The following C12orf76 variants were observed in gnomAD, a reference collection of about 807,000 sequenced individuals.
C12orf76 encodes uncharacterized protein C12orf76.
C12orf76 carries 6 observed loss-of-function variants against 6.8 expected under a neutral mutation model. The ratio of observed to expected loss-of-function variants is 0.88; its 90% confidence interval spans 0.48 to 1.73. C12orf76 has a LOEUF of 1.73. Among genes scored for constraint, C12orf76 ranks in the 40% most tolerant of loss-of-function variants. C12orf76 has a pLI of 0.01. For synonymous variants in C12orf76, 56 were observed against 43.7 expected (o/e 1.28, Z -1.11); for missense variants, 99 against 98.2 (o/e 1.01, Z -0.03).
At chr12:110,045,063 TC>T (rs1487642316) in intron 1 of C12orf76, among the ~76,000 whole-genome samples, 21 of 152,170 alleles carry the variant, frequency 1.4e-4, no homozygotes, top group African/African-American at 5.1e-4. Context: ...AGACAGCATG[TC>T]ATAACTCCAA....
chr12:110,048,444 C>A lies in C12orf76; in HGVS notation c.52G>T (p.Val18Leu), dbSNP rs926325764. The change falls in exon 1 of 2, where the codon GTG becomes TTG. Residue 18 changes from valine (V) to leucine (L), a missense_variant. Coordinates refer to ENST00000615315, the MANE Select transcript of C12orf76 (RefSeq NM_001389625.1). ...WLYLGLCSLLVGEAEAPSPVD... is the reference protein window; with the variant it reads ...WLYLGLCSLLLGEAEAPSPVD... ...GGGCTCGGGGCCTCTGCCTCCCCCACCAGGAGGCTGCAGAGGCCAAGGTAC... is the reference window on the plus strand; with the variant it reads ...GGGCTCGGGGCCTCTGCCTCCCCCAACAGGAGGCTGCAGAGGCCAAGGTAC... 7 of 1,507,744 alleles carry A rather than the reference C, an allele frequency of 4.6e-6. No individual in the cohort carries two copies. The highest frequency in any genetic ancestry group is 6.2e-6 in the Non-Finnish European group (7 of 1,133,058). 93.4% of individuals were successfully genotyped at this position (1,507,744 alleles called of 1,614,324 possible).
chr12:110,069,942 C>G (rs958785833), upstream of C12orf76, among the ~76,000 whole-genome samples: 19 of 152,194 alleles, frequency 1.2e-4, no homozygotes, highest in African/African-American at 4.3e-4. Context: ...TTTATATATA[C>G]AATGATCTGC....
upstream of C12orf76, among the ~76,000 whole-genome samples, chr12:110,051,529 C>T (rs536446646): frequency 1.1e-4 from 16 of 151,976 alleles, no homozygotes; most frequent in African/African-American, 3.6e-4. Context: ...TAGGTTGAAG[C>T]GATTCTCCTG....
chr12:110,059,041 A>G lies in C12orf76; in HGVS notation n.503T>C, dbSNP rs999479210. Reference sequence around the variant, plus strand: ...TATGAATGAAGCGAGAAGCTTGTCCAAGGTCACATGGTAAACAGCAGCGCC... The same window carrying G: ...TATGAATGAAGCGAGAAGCTTGTCCGAGGTCACATGGTAAACAGCAGCGCC... On this transcript the variant is annotated non_coding_transcript_exon_variant, in exon 3 of 5. Coordinates refer to the C12orf76 transcript ENST00000309050. 3 of 1,551,588 alleles carry G rather than the reference A, an allele frequency of 1.9e-6. No individual in the cohort carries two copies. The African/African-American group carries it at 4.1e-5, about 21-fold the overall frequency.
intron 3 of C12orf76, chr12:110,058,928 TC>T (rs1268925728): frequency 1.4e-5 from 20 of 1,468,836 alleles, no homozygotes; most frequent in South Asian, 5.6e-5. Context: ...CAATTCTTAC[TC>T]CCCCCCACCA....
At chr12:110,064,633 G>A (rs1256759681) in intron 2 of C12orf76, among the ~76,000 whole-genome samples, 1 of 152,176 alleles carries the variant, frequency 6.6e-6, no homozygotes, top group Middle Eastern at 3.2e-3. Context: ...TGGGGGGACA[G>A]CTCTCCATGC....
chr12:110,068,315 A>AGAAGAAGAG (rs1892913853), upstream of C12orf76, among the ~76,000 whole-genome samples: 4 of 144,602 alleles, frequency 2.8e-5, no homozygotes, highest in African/African-American at 1.0e-4. Flanking sequence ...AAGAAGAAGA[A>AGAAGAAGAG]GAAGAAGAAG....
At chr12:110,043,615 A>C (rs1335971944) in intron 1 of C12orf76, among the ~76,000 whole-genome samples, 1 of 152,144 alleles carries the variant, frequency 6.6e-6, no homozygotes, top group Non-Finnish European at 1.5e-5. Context: ...GCACTTTGGG[A>C]GGCCGAGGCA....
intron 2 of C12orf76, among the ~76,000 whole-genome samples, chr12:110,061,053 G>A (rs1171649555): frequency 2.1e-5 from 3 of 144,466 alleles, no homozygotes; most frequent in Non-Finnish European, 4.5e-5. Flanking sequence ...TGCAGAGCCA[G>A]CTCTGTGGGG....
intron 1 of C12orf76, chr12:110,045,951 T>C: frequency 4.7e-6 from 1 of 212,970 alleles, no homozygotes; most frequent in Non-Finnish European, 1.0e-5. Flanking sequence ...AGAGTGAGAC[T>C]CCATATAAAA....
intron 2 of C12orf76, among the ~76,000 whole-genome samples, chr12:110,062,628 T>TTC (rs1892790053): frequency 6.6e-6 from 1 of 151,502 alleles, no homozygotes; most frequent in Non-Finnish European, 1.5e-5. Context: ...AAGAGATTTT[T>TTC]TTTTTTTTTG....
chr12:110,073,176 C>T (rs1305786392), intron 1 of C12orf76, among the ~76,000 whole-genome samples: 1 of 152,174 alleles, frequency 6.6e-6, no homozygotes, highest in Non-Finnish European at 1.5e-5. Context: ...GCCCTGCTCT[C>T]CCTGGCGGGC....
upstream of C12orf76, among the ~76,000 whole-genome samples, chr12:110,051,904 C>CTTTTTTTTTT (rs567991255): frequency 9.9e-6 from 1 of 100,664 alleles, no homozygotes; most frequent in African/African-American, 3.6e-5. Flanking sequence ...GGCAGCTACT[C>CTTTTTTTTTT]TTTTTTTTTT....
chr12:110,070,386 A>C (rs901250338), upstream of C12orf76, among the ~76,000 whole-genome samples: 3 of 152,172 alleles, frequency 2.0e-5, no homozygotes, highest in Non-Finnish European at 4.4e-5. Context: ...CAACATAAGG[A>C]AAGCCCTGTC....
At chr12:110,071,666 T>C (rs1892960938), upstream of C12orf76, among the ~76,000 whole-genome samples, 1 of 151,864 alleles carries the variant, frequency 6.6e-6, no homozygotes, top group Admixed American at 6.6e-5. Flanking sequence ...GTATAGGTTG[T>C]CATCATCATC....
upstream of C12orf76, among the ~76,000 whole-genome samples, chr12:110,052,980 A>G (rs1472603961): frequency 3.3e-5 from 5 of 152,032 alleles, no homozygotes; most frequent in Non-Finnish European, 5.9e-5. Flanking sequence ...AGGTGGGCGG[A>G]TCACAAGGTC....
chr12:110,061,043 T>C (rs1278238872), intron 2 of C12orf76, among the ~76,000 whole-genome samples: 1 of 141,472 alleles, frequency 7.1e-6, no homozygotes, highest in East Asian at 2.0e-4. Context: ...GAGTAATTCA[T>C]GCAGAGCCAG....
chr12:110,064,391 C>T lies in C12orf76; in HGVS notation n.380+1469G>A, dbSNP rs559808530. On this transcript the variant is annotated intron_variant and non_coding_transcript_variant, in intron 2 of 4. Transcript: ENST00000309050. The stretch of plus-strand genomic sequence containing the variant: ...ACAGAGAGTTCCCCAAACATGTGGC[C>T]GTTCAGGTCATGATCAACCACTCCG... 6.6e-5 allele frequency among the ~76,000 whole-genome samples: 10 copies of T among 152,070 alleles called. No individual in the cohort carries two copies. The South Asian group carries it at 8.3e-4, about 13-fold the overall frequency.
At chr12:110,047,165 G>T (rs967866904) in intron 1 of C12orf76, among the ~76,000 whole-genome samples, 1 of 152,044 alleles carries the variant, frequency 6.6e-6, no homozygotes, top group African/African-American at 2.4e-5. Context: ...TTTGGCGAGG[G>T]GCAGATTTAT....
Sources: allele counts gnomAD v4.1 joint callset (sites outside exome capture counted in the v4.1 genomes callset), GRCh38; gene constraint gnomAD v4.1.1; transcripts MANE v1.5; gene names NCBI Gene and HGNC (gene_info 2026-07-23, HGNC 2026-07-21).